RSBN1L: variants seen among roughly 807,000 people sequenced by gnomAD.
The protein encoded by RSBN1L is round spermatid basic protein 1 like.
In RSBN1L, 30 loss-of-function variants were observed where a neutral mutation model predicts 67.7. That is an observed-to-expected ratio of 0.44 (90% CI 0.33 to 0.60). RSBN1L has a LOEUF of 0.60. Among genes scored for constraint, RSBN1L ranks in the 20% least tolerant of loss-of-function variants. The pLI, the probability that RSBN1L is intolerant of heterozygous loss-of-function variation, is 0.02. For synonymous variants in RSBN1L, 433 were observed against 387.0 expected (o/e 1.12, Z -1.39); for missense variants, 992 against 1,031.7 (o/e 0.96, Z 0.53).
chr7:77,716,911 A>C (rs936446790), intron 1 of RSBN1L, among the ~76,000 whole-genome samples: 2 of 150,758 alleles, frequency 1.3e-5, no homozygotes, highest in Non-Finnish European at 2.9e-5. Context: ...AATTACAGGC[A>C]TGAGGCATGA....
rs760114277 is a variant in RSBN1L at position 77,768,653 on chromosome 7, A to G, written c.1483-8A>G. Reference sequence around the variant, plus strand: ...ATAATTGCAATCTGCATAATTATTTATCTCCAGTGTACACTGCCATGGGGG... The same window carrying G: ...ATAATTGCAATCTGCATAATTATTTGTCTCCAGTGTACACTGCCATGGGGG... On this transcript the variant is annotated splice_region_variant and splice_polypyrimidine_tract_variant and intron_variant, in intron 4 of 7. Transcript: ENST00000334955. The G allele has an allele frequency of 4.4e-6, 7 of 1,608,070 alleles. No homozygotes were observed. Among genetic ancestry groups the G allele is most frequent in the Non-Finnish European group, 5.9e-6 (7 of 1,176,648 alleles).
At chr7:77,764,477 CATT>C (rs1562808344) in intron 3 of RSBN1L, among the ~76,000 whole-genome samples, 1 of 152,228 alleles carries the variant, frequency 6.6e-6, no homozygotes, top group East Asian at 1.9e-4. Flanking sequence ...GAGTTTATAT[CATT>C]ATCAAATTTT....
chr7:77,727,089 CTTT>C (rs35249892), intron 1 of RSBN1L, among the ~76,000 whole-genome samples: 6 of 116,976 alleles, frequency 5.1e-5, no homozygotes, highest in African/African-American at 6.4e-5. Flanking sequence ...CCATCATCTG[CTTT>C]TTTTTTTTTT....
At chr7:77,738,931 T>TC (rs1791371255) in intron 2 of RSBN1L, among the ~76,000 whole-genome samples, 1 of 152,030 alleles carries the variant, frequency 6.6e-6, no homozygotes, top group Non-Finnish European at 1.5e-5. Flanking sequence ...AGAGAGAGAC[T>TC]CCATCTCAAA....
chr7:77,759,494 CA>C (rs1269757312), intron 3 of RSBN1L: 4 of 152,106 alleles, frequency 2.6e-5, no homozygotes, highest in African/African-American at 9.7e-5. Context: ...CCTTGTGGCA[CA>C]GTCATTTATG....
chr7:77,731,248 C>G (rs1791267778), intron 1 of RSBN1L, among the ~76,000 whole-genome samples: 1 of 152,050 alleles, frequency 6.6e-6, no homozygotes. Context: ...GGGTCTCACT[C>G]GTTCATCCAG....
At position 77,725,244 on chromosome 7, in the gene RSBN1L, C is replaced by CTTTTTTTTTTTTTTTTTTTTTTTT. The variant is rs779531960; in HGVS notation, c.587-11145_587-11144insTTTTTTTTTTTTTTTTTTTTTTTT. On this transcript the variant is annotated intron_variant, in intron 1 of 7. Transcript: ENST00000334955. ...TTCTTCCCTAGGGATAAGCCCCCCA[C>CTTTTTTTTTTTTTTTTTTTTTTTT]TTTTTTTTTTTTTTTTTTTTTGAGA... is the stretch of plus-strand genomic sequence containing the variant. 7.3e-4 allele frequency among the ~76,000 whole-genome samples: 54 copies of CTTTTTTTTTTTTTTTTTTTTTTTT among 73,636 alleles called. 9 individuals carry two copies. Among genetic ancestry groups the CTTTTTTTTTTTTTTTTTTTTTTTT allele is most frequent in the East Asian group, 1.1e-3 (3 of 2,850 alleles). 48.3% of individuals were successfully genotyped at this position (73,636 alleles called of 152,430 possible).
At chr7:77,765,352 C>T in intron 3 of RSBN1L, 143 bp from the exon 4 acceptor site, 1 of 655,120 alleles carries the variant, frequency 1.5e-6, no homozygotes, top group Non-Finnish European at 2.3e-6. Flanking sequence ...TTGCTTGCCT[C>T]ATTATGATAT....
intron 1 of RSBN1L, among the ~76,000 whole-genome samples, chr7:77,706,336 A>G (rs987714789): frequency 2.0e-5 from 3 of 152,028 alleles, no homozygotes; most frequent in East Asian, 1.9e-4. Flanking sequence ...TTGGCCTCCC[A>G]AAGCTCTGGG....
intron 1 of RSBN1L, among the ~76,000 whole-genome samples, chr7:77,697,634 A>G (rs1477971173): frequency 6.6e-6 from 1 of 151,854 alleles, no homozygotes; most frequent in Admixed American, 6.6e-5. Context: ...CCTGCACCCT[A>G]CTCTCCGCTG....
At position 77,696,930 on chromosome 7, in the gene RSBN1L, A is replaced by C; in HGVS notation, c.461A>C (p.Asn154Thr). ...LPAAAAAASANAKSRRPKEKR... is the reference protein window; with the variant it reads ...LPAAAAAASATAKSRRPKEKR... ...GCCGCCGCCGCCGCTGCCTCGGCTAACGCCAAGTCGCGCAGACCTAAGGAG... is the reference window on the plus strand; with the variant it reads ...GCCGCCGCCGCCGCTGCCTCGGCTACCGCCAAGTCGCGCAGACCTAAGGAG... Residue 154 changes from asparagine (N) to threonine (T), a missense_variant, in exon 1 of 8, where the codon AAC becomes ACC. Coordinates refer to ENST00000334955, the MANE Select transcript of RSBN1L (RefSeq NM_198467.3). 6.2e-7 allele frequency: 1 copy of C among 1,600,490 alleles called. No homozygotes were observed. The highest frequency in any genetic ancestry group is 8.5e-7 in the Non-Finnish European group (1 of 1,178,864).
At position 77,778,968 on chromosome 7, in the gene RSBN1L, A is replaced by T; in HGVS notation, c.2341A>T (p.Met781Leu). The T allele has an allele frequency of 6.2e-7, 1 of 1,614,030 alleles. No individual in the cohort carries two copies. The highest frequency in any genetic ancestry group is 1.3e-5 in the African/African-American group (1 of 75,052). The change falls in exon 8 of 8, where the codon ATG becomes TTG. Residue 781 changes from methionine to leucine, a missense_variant. Around this residue, in one of 7 missense-constraint regions of RSBN1L, gnomAD observed 199 missense variants for 167.7 expected, o/e 1.19. Coordinates refer to ENST00000334955, the MANE Select transcript of RSBN1L (RefSeq NM_198467.3). Reference protein sequence around the residue: ...IPEKTTALNNMDGKNVKAKLD... With the variant: ...IPEKTTALNNLDGKNVKAKLD... ...TGAAAAGACTACAGCACTGAATAAT[A>T]TGGATGGCAAGAATGTTAAAGCAAA...
intron 1 of RSBN1L, among the ~76,000 whole-genome samples, chr7:77,725,243 A>AATTTTTTTT (rs1554338354): frequency 7.8e-4 from 45 of 57,866 alleles, no homozygotes; most frequent in African/African-American, 3.6e-3. Flanking sequence ...TAAGCCCCCC[A>AATTTTTTTT]CTTTTTTTTT....
At chr7:77,737,249 A>G (rs1249025605) in intron 2 of RSBN1L, among the ~76,000 whole-genome samples, 1 of 152,214 alleles carries the variant, frequency 6.6e-6, no homozygotes, top group Non-Finnish European at 1.5e-5. Flanking sequence ...TTGCTAGACA[A>G]CTAGCGAATT....
intron 1 of RSBN1L, among the ~76,000 whole-genome samples, chr7:77,702,377 A>T (rs537557240): frequency 6.6e-6 from 1 of 152,262 alleles, no homozygotes; most frequent in South Asian, 2.1e-4. Flanking sequence ...CTTCAAGGAT[A>T]TTAATTACAG....
At chr7:77,727,489 C>T (rs1791222153) in intron 1 of RSBN1L, among the ~76,000 whole-genome samples, 1 of 152,072 alleles carries the variant, frequency 6.6e-6, no homozygotes, top group African/African-American at 2.4e-5. Context: ...TAAGAATTGT[C>T]ACTTTTATTA....
At chr7:77,743,458 GGTTTT>G (rs1791441024) in intron 2 of RSBN1L, among the ~76,000 whole-genome samples, 2 of 100,922 alleles carry the variant, frequency 2.0e-5, no homozygotes, top group African/African-American at 6.6e-5. Context: ...TAAATAAGTT[GGTTTT>G]GTTTTTTTTT....
At position 77,779,892 on chromosome 7, in the gene RSBN1L, G is replaced by A. The variant is rs1333898243; in HGVS notation, c.*724G>A. On this transcript the variant is annotated 3_prime_UTR_variant, in exon 8 of 8. Transcript: ENST00000334955. ...TCACCAGGCTGGAGTTCAGTGGTGC[G>A]ATCTCGGCTCACTGCAACCTCTGCC... 1 of 149,698 alleles carries A rather than the reference G, an allele frequency of 6.7e-6. No homozygotes were observed. The highest frequency in any genetic ancestry group is 2.1e-4 in the South Asian group (1 of 4,748). The allele number at this position is 149,698 out of a possible 1,614,324, so 9.3% of individuals were successfully genotyped here. A position where few individuals can be genotyped will look rare whatever the true frequency, so the allele number is the denominator to read the frequency against.
intron 1 of RSBN1L, among the ~76,000 whole-genome samples, chr7:77,720,546 C>T (rs181528272): frequency 1.3e-5 from 2 of 151,636 alleles, no homozygotes; most frequent in African/African-American, 2.4e-5. Flanking sequence ...GCAACAAGAG[C>T]GAAACTCCGT....
Sources: gnomAD v4.1 joint callset for allele counts (sites outside exome capture counted in the v4.1 genomes callset) on GRCh38, gnomAD v4.1.1 for gene constraint, gnomAD v4.1.1 regional missense constraint, MANE v1.5 for transcripts, NCBI Gene and HGNC (gene_info 2026-07-23, HGNC 2026-07-21) for gene names.